The following ZNF592 variants were observed in gnomAD, a reference collection of about 807,000 sequenced individuals.
The protein encoded by ZNF592 is zinc finger protein 592, also known as spinocerebellar ataxia, autosomal recessive 5.
A neutral mutation model predicts 80.3 loss-of-function variants in ZNF592; 11 were observed. The observed-to-expected ratio is 0.14, with a 90% CI of 0.09 to 0.23. The LOEUF is 0.23. Ranked by LOEUF, ZNF592 falls within the 10% of genes least tolerant of loss-of-function variation. The pLI is 1.00. For synonymous variants in ZNF592, 646 were observed against 640.3 expected, an observed-to-expected ratio of 1.01 and a Z score of -0.13; for missense variants, 1,420 against 1,633.9, an observed-to-expected ratio of 0.87 and a Z score of 2.26.
chr15:84,750,684 C>T (rs536280355), intron 1 of ZNF592, among the ~76,000 whole-genome samples: 8 of 152,032 alleles, frequency 5.3e-5, no homozygotes, highest in African/African-American at 1.7e-4. Context: ...GGTAAGAGAC[C>T]GATTTGAGTT....
At chr15:84,790,633 C>A in intron 4 of ZNF592, 72 bp from the exon 5 acceptor site, 1 of 1,533,794 alleles carries the variant, frequency 6.5e-7, no homozygotes, top group African/African-American at 1.4e-5. Flanking sequence ...ACTAGCAAAC[C>A]AGACAGCCCT....
chr15:84,801,784 T>G lies in ZNF592; in HGVS notation c.3274-79T>G, dbSNP rs1220863424. The G allele has an allele frequency of 1.4e-5, 23 of 1,609,404 alleles. No homozygotes were observed. The South Asian group carries it at 2.4e-4, about 17-fold the overall frequency. ...TGGCCTGGGTGGTGCTTTCTTTGAG[T>G]CCTTGGGCTCATGGTTATGTCTAGG... On this transcript the variant is annotated intron_variant, in intron 10 of 10. Transcript: ENST00000560079.
chr15:84,797,856 C>T lies in ZNF592; in HGVS notation c.2400-13C>T, dbSNP rs781296615. The T allele has an allele frequency of 5.6e-6, 9 of 1,614,218 alleles. No individual in the cohort carries two copies. In the South Asian group the frequency reaches 7.7e-5, roughly 14 times the overall value. On this transcript the variant is annotated splice_polypyrimidine_tract_variant and intron_variant, in intron 5 of 10. Transcript: ENST00000560079. ...TACTCCACCCACACTCACACTACCCCACTTCTGTCTAGGTGCATCCACTGT... is the reference window on the plus strand; with the variant it reads ...TACTCCACCCACACTCACACTACCCTACTTCTGTCTAGGTGCATCCACTGT...
intron 2 of ZNF592, among the ~76,000 whole-genome samples, chr15:84,773,547 G>A (rs1045280046): frequency 1.3e-5 from 2 of 152,146 alleles, no homozygotes; most frequent in African/African-American, 4.8e-5. Flanking sequence ...AAAAAGGCCA[G>A]TTCAGAGAGG....
chr15:84,795,142 AT>A (rs1263096623), intron 5 of ZNF592, among the ~76,000 whole-genome samples: 1 of 151,628 alleles, frequency 6.6e-6, no homozygotes, highest in African/African-American at 2.4e-5. Flanking sequence ...ATATTTCAGA[AT>A]TTCATAAATT....
chr15:84,778,635 C>T (rs895540295), intron 3 of ZNF592, among the ~76,000 whole-genome samples: 3 of 152,190 alleles, frequency 2.0e-5, no homozygotes, highest in Non-Finnish European at 2.9e-5. Context: ...GAAACTTTTC[C>T]TGAGATGCTT....
At chr15:84,794,688 G>A (rs950550587) in intron 5 of ZNF592, among the ~76,000 whole-genome samples, 4 of 152,120 alleles carry the variant, frequency 2.6e-5, no homozygotes, top group Non-Finnish European at 5.9e-5. Context: ...TTTTGGTCAG[G>A]CTGGTCTTGA....
chr15:84,784,490 C>T lies in ZNF592; in HGVS notation c.1815C>T (p.His605=), dbSNP rs755051101. Reference sequence around the variant, plus strand: ...CCTTAGAGAAGAGCCTGAGCCAGCACTATGGCCGGCGGAGCGTCCACATTG... The same window carrying T: ...CCTTAGAGAAGAGCCTGAGCCAGCATTATGGCCGGCGGAGCGTCCACATTG... The part of the protein sequence containing the change: ...AFALEKSLSQ[H]YGRRSVHIEV... The change falls in exon 4 of 11, where the codon CAC becomes CAT. Residue 605 remains histidine (H), a synonymous_variant. Coordinates refer to ENST00000560079, the MANE Select transcript of ZNF592 (RefSeq NM_014630.3). This position sits in a 1 kb window ranked among gnomAD's most constrained non-coding sequence, Gnocchi z 5.8. The T allele has an allele frequency of 1.2e-6, 2 of 1,614,196 alleles. No homozygotes were observed. Among genetic ancestry groups the T allele is most frequent in the Non-Finnish European group, 1.7e-6 (2 of 1,180,042 alleles).
At chr15:84,781,301 G>A (rs1197831735) in intron 3 of ZNF592, among the ~76,000 whole-genome samples, 1 of 152,012 alleles carries the variant, frequency 6.6e-6, no homozygotes, top group Non-Finnish European at 1.5e-5. Context: ...ACTCACCTTG[G>A]CCTTCCAAAG....
rs1042408020 is a variant in ZNF592, at chr15:84,788,722, C to G, written c.2221-1983C>G. Reference sequence around the variant, plus strand: ...CCCTGTACTCGTTTTAAAAAAGAAACAAACAAAAAACAATTCCCATTTATC... The same window carrying G: ...CCCTGTACTCGTTTTAAAAAAGAAAGAAACAAAAAACAATTCCCATTTATC... On this transcript the variant is annotated intron_variant, in intron 4 of 10. Coordinates refer to ENST00000560079, the MANE Select transcript of ZNF592 (RefSeq NM_014630.3). Among the ~76,000 whole-genome samples the G allele has an allele frequency of 3.9e-5, 6 of 152,112 alleles. No homozygotes were observed. In the South Asian group the frequency reaches 8.3e-4, roughly 21 times the overall value.
chr15:84,790,666 G>A, intron 4 of ZNF592, 39 bp from the exon 5 acceptor site: 6 of 1,610,840 alleles, frequency 3.7e-6, no homozygotes, highest in Non-Finnish European at 5.1e-6. Context: ...ACAGGCCTAT[G>A]GCCCCTGCAT....
At chr15:84,768,230 C>CTTTTT (rs995969490) in intron 2 of ZNF592, among the ~76,000 whole-genome samples, 82 of 122,312 alleles carry the variant, frequency 6.7e-4, no homozygotes, top group African/African-American at 8.8e-4. Flanking sequence ...TTCTTTCTTT[C>CTTTTT]TTTTTTTTTT....
chr15:84,765,982 G>A (rs148804089), intron 2 of ZNF592, among the ~76,000 whole-genome samples: 12 of 151,424 alleles, frequency 7.9e-5, no homozygotes, highest in Middle Eastern at 3.4e-3. Flanking sequence ...ACTCAGATTC[G>A]GTAGTTATCA....
chr15:84,792,053 G>C (rs1166979627), intron 5 of ZNF592, among the ~76,000 whole-genome samples: 1 of 152,096 alleles, frequency 6.6e-6, no homozygotes, highest in African/African-American at 2.4e-5. Flanking sequence ...ATCATTCTGG[G>C]AAGCGAACAC....
At chr15:84,758,189 G>C (rs1462950307) in intron 1 of ZNF592, among the ~76,000 whole-genome samples, 1 of 150,566 alleles carries the variant, frequency 6.6e-6, no homozygotes, top group African/African-American at 2.5e-5. Context: ...TGGCCAGGCT[G>C]GTCTCGAACT....
rs1372974455 is a variant in ZNF592 at position 84,783,302 on chromosome 15, C to A, written c.627C>A (p.Pro209=). The change falls in exon 4 of 11, where the codon CCC becomes CCA. Residue 209 remains proline (P), a synonymous_variant. Transcript: ENST00000560079. This position sits in a 1 kb window ranked among gnomAD's most constrained non-coding sequence, Gnocchi z 5.0. ...GTAAGAAAGAACCCAAGCCAGAACCCCTGCCCTTGGGGAGCCAGCAGGAAC... is the reference window on the plus strand; with the variant it reads ...GTAAGAAAGAACCCAAGCCAGAACCACTGCCCTTGGGGAGCCAGCAGGAAC... ...HFCKKEPKPE[P]LPLGSQQEHE... 1.2e-6 allele frequency: 2 copies of A among 1,614,096 alleles called. No individual in the cohort carries two copies. Among genetic ancestry groups the A allele is most frequent in the African/African-American group, 2.7e-5 (2 of 74,922 alleles).
intron 1 of ZNF592, among the ~76,000 whole-genome samples, chr15:84,758,761 A>C: frequency 6.6e-6 from 1 of 151,688 alleles, no homozygotes. Flanking sequence ...AAAATCCAAA[A>C]AAAAAAAAAA....
At position 84,802,480 on chromosome 15, in the gene ZNF592, C is replaced by T. The variant is rs1199444696; in HGVS notation, c.*87C>T. 3 of 1,488,558 alleles carry T rather than the reference C, an allele frequency of 2.0e-6. No individual in the cohort carries two copies. Among genetic ancestry groups the T allele is most frequent in the Non-Finnish European group, 2.8e-6 (3 of 1,087,482 alleles). The allele number at this position is 1,488,558 out of a possible 1,614,324, so 92.2% of individuals were successfully genotyped here. On this transcript the variant is annotated 3_prime_UTR_variant, in exon 11 of 11. Transcript: ENST00000560079. ...GGACCGTGGAAAATAAAAGGCTCTG[C>T]CCCCAGTGTGAGTGTGACCGGTTGT...
intron 1 of ZNF592, among the ~76,000 whole-genome samples, chr15:84,754,982 T>TG (rs397854464): frequency 6.7e-6 from 1 of 149,406 alleles, no homozygotes; most frequent in Non-Finnish European, 1.5e-5. Context: ...TTTTTTTTTT[T>TG]CATGGCAGAG....
Sources: allele counts gnomAD v4.1 joint callset (sites outside exome capture counted in the v4.1 genomes callset), GRCh38; gene constraint gnomAD v4.1.1; non-coding constraint Gnocchi (gnomAD v3.1); transcripts MANE v1.5; gene names NCBI Gene and HGNC (gene_info 2026-07-23, HGNC 2026-07-21).